GRM4: variants seen among roughly 807,000 people sequenced by gnomAD.
GRM4 encodes the protein glutamate metabotropic receptor 4, also known as metabotropic glutamate receptor 4.
Under a neutral mutation model 81.7 loss-of-function variants are expected in GRM4, and 28 were observed. The observed-to-expected ratio is 0.34, with a 90% CI of 0.25 to 0.47. GRM4 has a LOEUF of 0.47. Ranked by LOEUF, GRM4 falls within the 20% of genes least tolerant of loss-of-function variation. The pLI is 1.00. For missense variants in GRM4, 948 were observed against 1,290.0 expected (o/e 0.73, Z 4.06); for synonymous variants, 488 against 528.8 (o/e 0.92, Z 1.06).
intron 2 of GRM4, among the ~76,000 whole-genome samples, chr6:34,125,201 C>T (rs1290578715): frequency 1.3e-5 from 2 of 152,190 alleles, no homozygotes; most frequent in Non-Finnish European, 2.9e-5. Flanking sequence ...TCTCGATCTC[C>T]TGACCTCGTG....
chr6:34,139,902 C>T (rs1256274594), intron 1 of GRM4, among the ~76,000 whole-genome samples: 1 of 152,222 alleles, frequency 6.6e-6, no homozygotes, highest in Non-Finnish European at 1.5e-5. Flanking sequence ...CCACTGTGCA[C>T]CAGCCTCTGC....
intron 2 of GRM4, among the ~76,000 whole-genome samples, chr6:34,123,159 G>A (rs773080908): frequency 6.6e-6 from 1 of 152,218 alleles, no homozygotes; most frequent in Non-Finnish European, 1.5e-5. Flanking sequence ...GCCACAGGTT[G>A]CTTCACTGGC....
At chr6:34,122,605 A>G (rs370001430) in intron 2 of GRM4, among the ~76,000 whole-genome samples, 14 of 136,142 alleles carry the variant, frequency 1.0e-4, no homozygotes, top group African/African-American at 3.5e-4. Context: ...TGGTTCATTC[A>G]GCGGTGGGCG....
At position 34,097,444 on chromosome 6, in the gene GRM4, TGTGTGTGC is replaced by T. The variant is rs948833134; in HGVS notation, c.520-5353_520-5346del. On this transcript the variant is annotated intron_variant, in intron 2 of 10. Coordinates refer to ENST00000538487, the MANE Select transcript of GRM4 (RefSeq NM_000841.4). ...GTGTGCATGCCTGTGTGTGTGTGTG[TGTGTGTGC>T]GCGCGCATGTGTGTATCCAGGCACA... Among the ~76,000 whole-genome samples, 6 of 3,352 alleles carry T rather than the reference TGTGTGTGC, an allele frequency of 1.8e-3. No homozygotes were observed. The South Asian group carries it at 0.047, about 26-fold the overall frequency. 2.2% of individuals were successfully genotyped at this position (3,352 alleles called of 152,430 possible).
At chr6:34,024,924 G>A (rs1764058011) in intron 10 of GRM4, among the ~76,000 whole-genome samples, 1 of 152,190 alleles carries the variant, frequency 6.6e-6, no homozygotes, top group Non-Finnish European at 1.5e-5. Flanking sequence ...TCCTTCCAGG[G>A]TGCTGGATGA....
intron 2 of GRM4, among the ~76,000 whole-genome samples, chr6:34,106,989 C>G (rs966369861): frequency 2.0e-5 from 3 of 152,224 alleles, no homozygotes; most frequent in African/African-American, 7.2e-5. Context: ...GAGGAATGGA[C>G]GGGCCAAGTG....
In GRM4 at chr6:34,114,524, G is replaced by A. The variant is rs1769509153; in HGVS notation, c.519+18454C>T. On this transcript the variant is annotated intron_variant, in intron 2 of 10. Coordinates refer to ENST00000538487, the MANE Select transcript of GRM4 (RefSeq NM_000841.4). The surrounding 1 kb of genome is among the most constrained non-coding windows in gnomAD (Gnocchi z 4.3). ...AAATCCAAGCAGGCACCATCCTGCA[G>A]GATCAAGTCCACCTTCTTGACCTAA... 6.6e-6 allele frequency among the ~76,000 whole-genome samples: 1 copy of A among 152,062 alleles called. No homozygotes were observed. Among genetic ancestry groups the A allele is most frequent in the Admixed American group, 6.5e-5 (1 of 15,268 alleles).
intron 2 of GRM4, among the ~76,000 whole-genome samples, chr6:34,107,165 TG>T (rs1046798517): frequency 6.6e-5 from 10 of 152,332 alleles, no homozygotes; most frequent in African/African-American, 2.4e-4. Context: ...GCCTGATTCC[TG>T]GCTGCCTCCC....
chr6:34,146,727 T>C (rs1770941817), upstream of GRM4, among the ~76,000 whole-genome samples: 2 of 152,190 alleles, frequency 1.3e-5, no homozygotes, highest in Non-Finnish European at 2.9e-5. Flanking sequence ...TCCCCATCAG[T>C]ACCTCGACCC....
chr6:34,087,351 G>A (rs1467429273), intron 3 of GRM4, among the ~76,000 whole-genome samples: 4 of 151,372 alleles, frequency 2.6e-5, no homozygotes, highest in Non-Finnish European at 5.9e-5. Context: ...TCCGGGAGGT[G>A]GAGGTTGCAG....
At chr6:34,137,661 G>T (rs1770514458) in intron 1 of GRM4, among the ~76,000 whole-genome samples, 1 of 151,628 alleles carries the variant, frequency 6.6e-6, no homozygotes, top group East Asian at 1.9e-4. Flanking sequence ...ACGACTCACT[G>T]CAGCCTCAAC....
intron 2 of GRM4, among the ~76,000 whole-genome samples, chr6:34,131,296 C>T (rs1237551753): frequency 6.6e-6 from 1 of 152,222 alleles, no homozygotes; most frequent in Non-Finnish European, 1.5e-5. Context: ...CTTCAAACTA[C>T]GTACATCCAT....
At chr6:34,083,023 T>C (rs1034308504) in intron 3 of GRM4, among the ~76,000 whole-genome samples, 12 of 152,184 alleles carry the variant, frequency 7.9e-5, no homozygotes, top group African/African-American at 2.4e-4. Flanking sequence ...TTCAAACACA[T>C]TCCACAAAGG....
intron 2 of GRM4, among the ~76,000 whole-genome samples, chr6:34,100,330 T>A (rs1242692706): frequency 6.6e-6 from 1 of 152,226 alleles, no homozygotes; most frequent in Non-Finnish European, 1.5e-5. Context: ...TCTGCCCGTA[T>A]AACCTATGGC....
At chr6:34,139,553 C>T (rs535632359) in intron 1 of GRM4, among the ~76,000 whole-genome samples, 5 of 152,300 alleles carry the variant, frequency 3.3e-5, no homozygotes, top group Admixed American at 6.5e-5. Context: ...CTCCTTCCTC[C>T]GCAGTTAATG....
intron 1 of GRM4, 23 bp downstream of exon 1, chr6:34,145,977 C>T (rs1770916692): frequency 1.0e-6 from 1 of 984,864 alleles, no homozygotes; most frequent in Non-Finnish European, 1.2e-6. Context: ...TCCTCCTCCC[C>T]GTGCGCGTGC....
At chr6:34,028,939 A>G (rs1051464357) in intron 9 of GRM4, among the ~76,000 whole-genome samples, 1 of 152,198 alleles carries the variant, frequency 6.6e-6, no homozygotes, top group African/African-American at 2.4e-5. Context: ...ACCCATCGCG[A>G]TATGGTGGTG....
chr6:34,084,060 G>A (rs1399914108), intron 3 of GRM4, among the ~76,000 whole-genome samples: 1 of 152,236 alleles, frequency 6.6e-6, no homozygotes, highest in Non-Finnish European at 1.5e-5. Flanking sequence ...GGGTGTCTGA[G>A]GGTGTCTTCA....
chr6:34,147,329 A>G (rs1428102349), upstream of GRM4, among the ~76,000 whole-genome samples: 1 of 152,188 alleles, frequency 6.6e-6, no homozygotes, highest in African/African-American at 2.4e-5. Flanking sequence ...GGACCTCAGC[A>G]CCACACATTT....
Sources: gnomAD v4.1 joint callset for allele counts (sites outside exome capture counted in the v4.1 genomes callset) on GRCh38, gnomAD v4.1.1 for gene constraint, Gnocchi (gnomAD v3.1) non-coding constraint, MANE v1.5 for transcripts, NCBI Gene and HGNC (gene_info 2026-07-23, HGNC 2026-07-21) for gene names.